The following CDIN1 variants were observed in gnomAD, a reference collection of about 807,000 sequenced individuals.
CDIN1 encodes the protein CDAN1-interacting nuclease 1.
In CDIN1, 33 loss-of-function variants were observed where a neutral mutation model predicts 45.3. The ratio of observed to expected loss-of-function variants is 0.73; its 90% CI spans 0.55 to 0.97. CDIN1 has a LOEUF of 0.97. Among genes scored for constraint, CDIN1 ranks in the 50% least tolerant of loss-of-function variants. CDIN1 has a pLI of 0.00. For synonymous variants in CDIN1, 118 were observed against 124.4 expected, an observed-to-expected ratio of 0.95 and a Z score of 0.34; for missense variants, 303 against 339.4, an observed-to-expected ratio of 0.89 and a Z score of 0.84.
At chr15:36,783,155 T>G (rs1214005513) in intron 10 of CDIN1, among the ~76,000 whole-genome samples, 1 of 152,210 alleles carries the variant, frequency 6.6e-6, no homozygotes. Context: ...ATGGTTAAAT[T>G]CTAATTTTCT....
chr15:36,764,772 T>C (rs1224409232), intron 10 of CDIN1, among the ~76,000 whole-genome samples: 1 of 152,184 alleles, frequency 6.6e-6, no homozygotes. Flanking sequence ...GATGTATCCA[T>C]GGGGCTCATT....
chr15:36,757,336 A>T (rs2140987441), intron 10 of CDIN1, among the ~76,000 whole-genome samples: 1 of 152,300 alleles, frequency 6.6e-6, no homozygotes, highest in Middle Eastern at 3.4e-3. Flanking sequence ...GGCAGCCCTT[A>T]CATGAGGGTA....
At chr15:36,789,776 A>C (rs895514421) in intron 10 of CDIN1, among the ~76,000 whole-genome samples, 3 of 152,186 alleles carry the variant, frequency 2.0e-5, no homozygotes, top group African/African-American at 7.2e-5. Context: ...CTTGTGCTGG[A>C]AGGTTTGAGA....
At chr15:36,634,589 T>G (rs1036611669) in intron 1 of CDIN1, among the ~76,000 whole-genome samples, 6 of 152,232 alleles carry the variant, frequency 3.9e-5, no homozygotes, top group African/African-American at 9.6e-5. Context: ...CAGTTACCTT[T>G]CTGAGATACT....
chr15:36,686,811 G>GGA (rs1161026332), intron 5 of CDIN1, among the ~76,000 whole-genome samples: 15 of 135,092 alleles, frequency 1.1e-4, no homozygotes, highest in African/African-American at 2.4e-4. Context: ...ATGGAGGGAG[G>GGA]GAGAGAGAGA....
At chr15:36,688,768 T>C (rs2042144053) in intron 5 of CDIN1, among the ~76,000 whole-genome samples, 1 of 152,226 alleles carries the variant, frequency 6.6e-6, no homozygotes. Context: ...TTGATGTTAT[T>C]ATTCATTTCT....
intron 1 of CDIN1, among the ~76,000 whole-genome samples, chr15:36,581,682 A>G (rs776362053): frequency 9.9e-5 from 15 of 152,212 alleles, no homozygotes; most frequent in African/African-American, 1.7e-4. Context: ...GTTCCAGATC[A>G]GACTGGGCAA....
chr15:36,636,590 A>T (rs1024784331), intron 1 of CDIN1, among the ~76,000 whole-genome samples: 1 of 152,114 alleles, frequency 6.6e-6, no homozygotes, highest in Non-Finnish European at 1.5e-5. Context: ...CGTAACGGAG[A>T]TGAAAGAGTG....
At chr15:36,752,922 G>T (rs916908159) in intron 10 of CDIN1, among the ~76,000 whole-genome samples, 11 of 152,118 alleles carry the variant, frequency 7.2e-5, no homozygotes, top group Non-Finnish European at 1.2e-4. Context: ...AGATTGATGG[G>T]CATTGTGGTA....
chr15:36,741,362 A>C (rs1335130008), intron 10 of CDIN1, among the ~76,000 whole-genome samples: 1 of 152,166 alleles, frequency 6.6e-6, no homozygotes, highest in Non-Finnish European at 1.5e-5. Flanking sequence ...AGTATTTCCA[A>C]CTAGTTGTAA....
chr15:36,676,266 C>T (rs894022423), intron 5 of CDIN1, among the ~76,000 whole-genome samples: 3 of 152,094 alleles, frequency 2.0e-5, no homozygotes, highest in Non-Finnish European at 2.9e-5. Flanking sequence ...TGTTCTTTCC[C>T]GTTAGATTCG....
intron 1 of CDIN1, among the ~76,000 whole-genome samples, chr15:36,630,948 C>G (rs2039653761): frequency 6.6e-6 from 1 of 152,180 alleles, no homozygotes; most frequent in Admixed American, 6.5e-5. Flanking sequence ...GGATCTGCCT[C>G]CATGGCTCAT....
At chr15:36,760,142 A>G (rs4924097) in intron 10 of CDIN1, among the ~76,000 whole-genome samples, 2 of 151,954 alleles carry the variant, frequency 1.3e-5, no homozygotes, top group South Asian at 2.1e-4. Context: ...TGCTTGCATT[A>G]TATGGCAATA....
At chr15:36,659,966 C>CTTTTTTTT (rs778988517) in intron 5 of CDIN1, among the ~76,000 whole-genome samples, 6,928 of 103,734 alleles carry the variant, frequency 0.067, 57 homozygotes, top group East Asian at 0.079. Flanking sequence ...CCTTCCTTTT[C>CTTTTTTTT]TTTTTTTTTT....
chr15:36,789,441 ATCT>A (rs1248034772), intron 10 of CDIN1, among the ~76,000 whole-genome samples: 3 of 152,194 alleles, frequency 2.0e-5, no homozygotes, highest in Admixed American at 1.3e-4. Context: ...TATACTCTAA[ATCT>A]TCTGCGACCT....
intron 10 of CDIN1, among the ~76,000 whole-genome samples, chr15:36,713,222 G>C (rs1309279319): frequency 6.6e-6 from 1 of 152,130 alleles, no homozygotes; most frequent in African/African-American, 2.4e-5. Context: ...TTAAATGACA[G>C]AGAAAGAGCC....
At chr15:36,700,788 T>C (rs2042602579) in intron 8 of CDIN1, among the ~76,000 whole-genome samples, 1 of 151,992 alleles carries the variant, frequency 6.6e-6, no homozygotes, top group Non-Finnish European at 1.5e-5. Context: ...TTTCCAAGGA[T>C]AATTAATTTA....
At chr15:36,691,960 G>A (rs928735743) in intron 6 of CDIN1, among the ~76,000 whole-genome samples, 166 bp from the exon 7 acceptor site, 4 of 120,594 alleles carry the variant, frequency 3.3e-5, no homozygotes, top group Non-Finnish European at 6.4e-5. Flanking sequence ...TAAAAAGCAT[G>A]CAATTTTTGT....
intron 5 of CDIN1, among the ~76,000 whole-genome samples, chr15:36,682,824 G>A (rs981339910): frequency 6.6e-6 from 1 of 151,606 alleles, no homozygotes; most frequent in South Asian, 2.1e-4. Context: ...AAATATCTGG[G>A]TACCCCATCG....
Sources: allele counts gnomAD v4.1 joint callset (sites outside exome capture counted in the v4.1 genomes callset), GRCh38; gene constraint gnomAD v4.1.1; transcripts MANE v1.5; gene names NCBI Gene and HGNC (gene_info 2026-07-23, HGNC 2026-07-21).